Variants in CDKAL1 observed in about 807,000 individuals in gnomAD.
CDKAL1 encodes the protein CDKAL1 threonylcarbamoyladenosine tRNA methylthiotransferase, also known as threonylcarbamoyladenosine tRNA methylthiotransferase.
A neutral mutation model predicts 68.2 loss-of-function variants in CDKAL1; 32 were observed. The ratio of observed to expected loss-of-function variants is 0.47; its 90% CI spans 0.35 to 0.63. The LOEUF is 0.63. Among genes scored for constraint, CDKAL1 ranks in the 30% least tolerant of loss-of-function variants. The pLI is 0.00. For synonymous variants in CDKAL1, 234 were observed against 244.3 expected, an observed-to-expected ratio of 0.96 and a Z score of 0.39; for missense variants, 606 against 696.7, an observed-to-expected ratio of 0.87 and a Z score of 1.47.
chr6:20,957,681 G>A (rs574074355), intron 10 of CDKAL1, among the ~76,000 whole-genome samples: 2 of 152,202 alleles, frequency 1.3e-5, no homozygotes, highest in South Asian at 4.1e-4. Context: ...ATGAATACAG[G>A]AAGAGCTGCC....
chr6:20,946,966 C>G (rs1764269178), intron 9 of CDKAL1, among the ~76,000 whole-genome samples: 1 of 152,130 alleles, frequency 6.6e-6, no homozygotes, highest in African/African-American at 2.4e-5. Context: ...ACAATATGTT[C>G]TTTATCTCTT....
At chr6:21,133,029 C>T (rs902182520) in intron 13 of CDKAL1, among the ~76,000 whole-genome samples, 2 of 152,128 alleles carry the variant, frequency 1.3e-5, no homozygotes, top group Non-Finnish European at 2.9e-5. Context: ...CAGCCTTTCT[C>T]CCTACAACTG....
At chr6:20,728,074 A>G (rs1392214575) in intron 5 of CDKAL1, among the ~76,000 whole-genome samples, 2 of 152,192 alleles carry the variant, frequency 1.3e-5, no homozygotes, top group African/African-American at 4.8e-5. Context: ...GAGTGCCTTC[A>G]TAAAATGTCT....
At chr6:20,750,949 G>A (rs1286527402) in intron 6 of CDKAL1, among the ~76,000 whole-genome samples, 3 of 64,830 alleles carry the variant, frequency 4.6e-5, no homozygotes, top group African/African-American at 2.1e-4. Context: ...GAGCAACAGA[G>A]TGAAAAAAAA....
intron 13 of CDKAL1, among the ~76,000 whole-genome samples, chr6:21,121,959 G>A (rs74662539): frequency 0.012 from 1,762 of 152,164 alleles, 43 homozygotes; most frequent in African/African-American, 0.039. Context: ...TACCTGTGCC[G>A]TCCTGTCCCC....
chr6:21,214,062 A>G (rs1385846119), intron 15 of CDKAL1, among the ~76,000 whole-genome samples: 4 of 152,206 alleles, frequency 2.6e-5, no homozygotes, highest in Non-Finnish European at 5.9e-5. Flanking sequence ...GTGAAGCAAA[A>G]TAAGCCACAC....
At chr6:20,861,249 G>A (rs192239331) in intron 9 of CDKAL1, among the ~76,000 whole-genome samples, 5 of 152,240 alleles carry the variant, frequency 3.3e-5, no homozygotes, top group Admixed American at 6.5e-5. Context: ...AGAGATCAAG[G>A]CCAGAGTGTG....
chr6:20,965,735 C>T (rs768863330), intron 10 of CDKAL1, among the ~76,000 whole-genome samples: 7 of 152,146 alleles, frequency 4.6e-5, no homozygotes, highest in Non-Finnish European at 8.8e-5. Context: ...TAATTTCACC[C>T]GGAGTAGCTG....
At chr6:20,647,498 C>T (rs1768530583) in intron 4 of CDKAL1, among the ~76,000 whole-genome samples, 2 of 152,116 alleles carry the variant, frequency 1.3e-5, no homozygotes, top group South Asian at 2.1e-4. Flanking sequence ...GGGATTTGAA[C>T]GTTCAAGGAG....
Position 20,855,442 on chromosome 6 carries a change from C to CA in CDKAL1, c.742+9294dup, listed in dbSNP as rs145448785. ...TGGGAGACAGAGCGAGACTCCGTCT[C>CA]AAAAAAAAAAAAAAAAAAAAAAAAA... is the stretch of plus-strand genomic sequence containing the variant. On this transcript the variant is annotated intron_variant, in intron 9 of 15. Transcript: ENST00000274695. 3.0e-3 allele frequency among the ~76,000 whole-genome samples: 195 copies of CA among 64,638 alleles called. 13 individuals carry two copies. The highest frequency in any genetic ancestry group is 7.7e-3 in the African/African-American group (114 of 14,764). The allele number at this position is 64,638 out of a possible 152,430, so 42.4% of individuals were successfully genotyped here.
At chr6:20,795,668 C>T (rs982151774) in intron 8 of CDKAL1, among the ~76,000 whole-genome samples, 9 of 152,142 alleles carry the variant, frequency 5.9e-5, no homozygotes, top group African/African-American at 9.7e-5. Flanking sequence ...TTTTTACTAA[C>T]GGCTGTTGCC....
At chr6:20,842,226 T>C (rs1229880521) in intron 8 of CDKAL1, among the ~76,000 whole-genome samples, 1 of 152,230 alleles carries the variant, frequency 6.6e-6, no homozygotes, top group Non-Finnish European at 1.5e-5. Context: ...ATGCTTATTC[T>C]TTCTTTTCTG....
At chr6:21,106,191 T>C (rs935790278) in intron 12 of CDKAL1, among the ~76,000 whole-genome samples, 1 of 152,178 alleles carries the variant, frequency 6.6e-6, no homozygotes, top group South Asian at 2.1e-4. Context: ...TATTAAAAAA[T>C]TGAAATGAAT....
chr6:20,805,960 T>C (rs1199331512), intron 8 of CDKAL1, among the ~76,000 whole-genome samples: 1 of 152,194 alleles, frequency 6.6e-6, no homozygotes, highest in Non-Finnish European at 1.5e-5. Context: ...AAACAAGGCA[T>C]ATGATTTCAA....
chr6:21,000,377 G>A lies in CDKAL1; in HGVS notation c.1055+5G>A. On this transcript the variant is annotated splice_donor_5th_base_variant and intron_variant, in intron 11 of 15. Transcript: ENST00000274695. ...AGTGGATTTTCTGAAAGAGAAGTAA[G>A]TCTGTTAGTACTTAAGAAAATAACC... The A allele has an allele frequency of 1.2e-6, 2 of 1,610,226 alleles. No homozygotes were observed. Among genetic ancestry groups the A allele is most frequent in the Non-Finnish European group, 1.7e-6 (2 of 1,177,236 alleles).
rs996099629 is a variant in CDKAL1, at chr6:20,613,606, T to C, written c.287-35687T>C. Among the ~76,000 whole-genome samples, 4 of 149,724 alleles carry C rather than the reference T, an allele frequency of 2.7e-5. No individual in the cohort carries two copies. In the East Asian group the frequency reaches 5.8e-4, roughly 22 times the overall value. ...AAGTTTCTTATTTTATTTTTTGAAG[T>C]AGTAGTATATTCCATTTTGAGGATA... On this transcript the variant is annotated intron_variant, in intron 4 of 15. Transcript: ENST00000274695.
chr6:20,546,979 A>G (rs1290291262), intron 3 of CDKAL1, among the ~76,000 whole-genome samples: 1 of 152,198 alleles, frequency 6.6e-6, no homozygotes, highest in African/African-American at 2.4e-5. Context: ...CACTTATCTG[A>G]AATGCTTGAG....
At chr6:21,173,415 A>G (rs889257279) in intron 13 of CDKAL1, among the ~76,000 whole-genome samples, 5 of 152,100 alleles carry the variant, frequency 3.3e-5, no homozygotes, top group African/African-American at 1.2e-4. Flanking sequence ...AAATTTTCAT[A>G]TGTGCTATTT....
At chr6:20,979,727 AT>A (rs1271476359) in intron 10 of CDKAL1, among the ~76,000 whole-genome samples, 4 of 150,398 alleles carry the variant, frequency 2.7e-5, no homozygotes, top group Admixed American at 6.6e-5. Context: ...CCTCAAAATA[AT>A]TTTTTAAATG....
Sources: allele counts gnomAD v4.1 joint callset (sites outside exome capture counted in the v4.1 genomes callset), GRCh38; gene constraint gnomAD v4.1.1; transcripts MANE v1.5; gene names NCBI Gene and HGNC (gene_info 2026-07-23, HGNC 2026-07-21).